Variants in CNTNAP2 observed in about 807,000 individuals in gnomAD.
CNTNAP2 encodes the protein contactin-associated protein-like 2.
A neutral mutation model predicts 155.2 loss-of-function variants in CNTNAP2; 98 were observed. The observed-to-expected ratio is 0.63, with a 90% CI of 0.54 to 0.75. The LOEUF is 0.75. Ranked by LOEUF, CNTNAP2 falls within the 30% of genes least tolerant of loss-of-function variation. The pLI is 0.00. For synonymous variants in CNTNAP2, 651 were observed against 631.2 expected, an observed-to-expected ratio of 1.03 and a Z score of -0.47; for missense variants, 1,727 against 1,688.1, an observed-to-expected ratio of 1.02 and a Z score of -0.40.
chr7:147,382,195 C>T (rs905211964), intron 9 of CNTNAP2, among the ~76,000 whole-genome samples: 2 of 151,888 alleles, frequency 1.3e-5, no homozygotes, highest in East Asian at 1.9e-4. Flanking sequence ...TTTCAAAATT[C>T]CTGAGTTTGT....
At chr7:148,263,477 G>C (rs1009020435) in intron 20 of CNTNAP2, among the ~76,000 whole-genome samples, 1 of 152,034 alleles carries the variant, frequency 6.6e-6, no homozygotes, top group Non-Finnish European at 1.5e-5. Flanking sequence ...GGTGGCTCAC[G>C]CCTGTAATCC....
rs777858880 is a variant in CNTNAP2 at position 148,217,374 on chromosome 7, G to A, written c.3097G>A (p.Val1033Ile). ...AAATGCCAGAGACTCCAGCAGCAGA[G>A]TAGACAACGCTCCCGACCAGCAGAA... is the stretch of plus-strand genomic sequence containing the variant. ...ATNARDSSSR[V>I]DNAPDQQNSH... The change falls in exon 19 of 24, where the codon GTA (valine) becomes ATA (isoleucine). Residue 1033 changes from valine (V) to isoleucine (I), a missense_variant. Transcript: ENST00000361727. The A allele has an allele frequency of 6.2e-7, 1 of 1,614,146 alleles. No homozygotes were observed.
chr7:146,143,793 CCTT>C (rs888153721), intron 1 of CNTNAP2, among the ~76,000 whole-genome samples: 11 of 151,418 alleles, frequency 7.3e-5, no homozygotes, highest in African/African-American at 2.4e-4. Flanking sequence ...AATGGAGTCT[CCTT>C]CTGTCACCCA....
intron 8 of CNTNAP2, among the ~76,000 whole-genome samples, chr7:147,201,355 C>G (rs1206636897): frequency 6.6e-6 from 1 of 152,174 alleles, no homozygotes; most frequent in African/African-American, 2.4e-5. Flanking sequence ...AACACCCAGT[C>G]TGTTTCTGGT....
intron 22 of CNTNAP2, among the ~76,000 whole-genome samples, chr7:148,405,453 G>A (rs950397282): frequency 1.3e-5 from 1 of 75,686 alleles, no homozygotes; most frequent in Non-Finnish European, 2.3e-5. Context: ...TTTTGAGACG[G>A]AGTCTCGCTC....
At chr7:146,788,314 G>A (rs1253263893) in intron 2 of CNTNAP2, among the ~76,000 whole-genome samples, 2 of 152,228 alleles carry the variant, frequency 1.3e-5, no homozygotes, top group Non-Finnish European at 2.9e-5. Flanking sequence ...CGCCGAGGCC[G>A]AGGAGGCACC....
intron 13 of CNTNAP2, among the ~76,000 whole-genome samples, chr7:147,804,644 C>T (rs923577347): frequency 6.6e-6 from 1 of 152,038 alleles, no homozygotes; most frequent in Non-Finnish European, 1.5e-5. Context: ...ACCTCTGCCT[C>T]CCAGGCTCAA....
chr7:146,930,389 G>A (rs1475808105), intron 3 of CNTNAP2, among the ~76,000 whole-genome samples: 2 of 152,042 alleles, frequency 1.3e-5, no homozygotes, highest in Admixed American at 1.3e-4. Flanking sequence ...AGCAAATGCT[G>A]AGAGATTTTG....
chr7:146,414,651 T>A (rs1031699134), intron 1 of CNTNAP2, among the ~76,000 whole-genome samples: 3 of 152,006 alleles, frequency 2.0e-5, no homozygotes, highest in African/African-American at 7.3e-5. Context: ...CTGAAGGGGT[T>A]TGGAAAAAGA....
chr7:147,519,273 G>A (rs192345437), intron 11 of CNTNAP2, among the ~76,000 whole-genome samples: 322 of 152,162 alleles, frequency 2.1e-3, no homozygotes, highest in African/African-American at 6.8e-3. Context: ...GGCACTGGCC[G>A]TCATCTTCAA....
intron 21 of CNTNAP2, among the ~76,000 whole-genome samples, chr7:148,309,326 T>C (rs1235569713): frequency 2.6e-5 from 4 of 152,260 alleles, no homozygotes; most frequent in African/African-American, 4.8e-5. Flanking sequence ...CAGTGATTCA[T>C]GCCTGAACAA....
At chr7:146,819,629 A>G (rs1482695239) in intron 2 of CNTNAP2, among the ~76,000 whole-genome samples, 1 of 152,150 alleles carries the variant, frequency 6.6e-6, no homozygotes, top group African/African-American at 2.4e-5. Context: ...TCTTAATTTC[A>G]TCTTCCTGAG....
In CNTNAP2 at chr7:147,954,258, C is replaced by A. The variant is rs1313187031; in HGVS notation, c.2256-23604C>A. ...GCCTCTCACAGAGACCTCTGTAAAT[C>A]CTAAATTATCTTTTAAGACTTTGTT... On this transcript the variant is annotated intron_variant, in intron 14 of 23. Coordinates refer to ENST00000361727, the MANE Select transcript of CNTNAP2 (RefSeq NM_014141.6). 2.0e-5 allele frequency among the ~76,000 whole-genome samples: 3 copies of A among 151,858 alleles called. No individual in the cohort carries two copies. In the East Asian group the frequency reaches 5.8e-4, roughly 29 times the overall value.
chr7:147,129,738 AAAATGATTTGAC>A (rs1236720549), intron 7 of CNTNAP2, among the ~76,000 whole-genome samples: 1 of 152,198 alleles, frequency 6.6e-6, no homozygotes, highest in African/African-American at 2.4e-5. Flanking sequence ...AGGGTTTCAT[AAAATGATTTGAC>A]AAATGGAAAT....
In CNTNAP2 at chr7:147,575,121, G is replaced by A. The variant is rs1426496940; in HGVS notation, c.1897+12864G>A. On this transcript the variant is annotated intron_variant, in intron 12 of 23. Coordinates refer to ENST00000361727, the MANE Select transcript of CNTNAP2 (RefSeq NM_014141.6). ...CTTTGTGGGAAATGTGTGTGTGTGT[G>A]TGTGTGTGTGTGTGTGTGTGTGTGT... 1.6e-3 allele frequency among the ~76,000 whole-genome samples: 239 copies of A among 149,434 alleles called. 4 individuals are homozygous for A. Among genetic ancestry groups the A allele is most frequent in the African/African-American group, 4.6e-3 (188 of 40,468 alleles).
At chr7:147,318,673 G>T (rs569888653) in intron 9 of CNTNAP2, among the ~76,000 whole-genome samples, 1 of 151,914 alleles carries the variant, frequency 6.6e-6, no homozygotes, top group South Asian at 2.1e-4. Flanking sequence ...GGGAGGTGGG[G>T]GGCAAGGGGA....
intron 21 of CNTNAP2, among the ~76,000 whole-genome samples, chr7:148,332,942 T>C (rs1054162285): frequency 6.6e-6 from 1 of 152,192 alleles, no homozygotes; most frequent in African/African-American, 2.4e-5. Context: ...CTTTGTAAGA[T>C]TATCCTTTCT....
chr7:148,172,220 C>CT, intron 17 of CNTNAP2, 22 bp from the exon 18 acceptor site: 1 of 1,610,772 alleles, frequency 6.2e-7, no homozygotes, highest in Non-Finnish European at 8.5e-7. Context: ...CCTCTGAACT[C>CT]TGTGCCTTCT....
chr7:146,573,790 T>A (rs1798479155), intron 1 of CNTNAP2, among the ~76,000 whole-genome samples: 1 of 152,224 alleles, frequency 6.6e-6, no homozygotes, highest in African/African-American at 2.4e-5. Flanking sequence ...ATTAGCTATG[T>A]GTTCTTGGTC....
Sources: allele counts gnomAD v4.1 joint callset (sites outside exome capture counted in the v4.1 genomes callset), GRCh38; gene constraint gnomAD v4.1.1; transcripts MANE v1.5; gene names NCBI Gene and HGNC (gene_info 2026-07-23, HGNC 2026-07-21).